PEBP4: variants seen among roughly 807,000 people sequenced by gnomAD.
The protein encoded by PEBP4 is phosphatidylethanolamine binding protein 4, also known as phosphatidylethanolamine-binding protein 4.
Under a neutral mutation model 23.9 loss-of-function variants are expected in PEBP4, and 22 were observed. That is an observed-to-expected ratio of 0.92 (90% CI 0.66 to 1.31). PEBP4 has a LOEUF of 1.31. Among genes scored for constraint, PEBP4 ranks in the 40% most tolerant of loss-of-function variants. The probability of loss-of-function intolerance (pLI) is 0.00; values close to 1 mark genes in which losing one functional copy is unlikely to be tolerated. For missense variants in PEBP4, 324 were observed against 281.7 expected (o/e 1.15, Z -1.07); for synonymous variants, 112 against 99.3 (o/e 1.13, Z -0.76).
intron 6 of PEBP4, among the ~76,000 whole-genome samples, chr8:22,718,684 G>A (rs1269368048): frequency 6.6e-6 from 1 of 152,010 alleles, no homozygotes; most frequent in African/African-American, 2.4e-5. Flanking sequence ...ATCAGGGGCT[G>A]GGCCCTGGGG....
intron 4 of PEBP4, among the ~76,000 whole-genome samples, chr8:22,735,352 A>C (rs1172934953): frequency 6.6e-6 from 1 of 152,150 alleles, no homozygotes; most frequent in East Asian, 1.9e-4. Context: ...GATATATAGG[A>C]GTTTTTCAGT....
At chr8:22,938,864 G>A (rs1022683951) in intron 1 of PEBP4, among the ~76,000 whole-genome samples, 5 of 152,184 alleles carry the variant, frequency 3.3e-5, no homozygotes, top group Non-Finnish European at 7.3e-5. Context: ...TATGAACATA[G>A]CAGATGCTTA....
At chr8:22,741,183 C>T (rs1234650390) in intron 4 of PEBP4, among the ~76,000 whole-genome samples, 5 of 152,178 alleles carry the variant, frequency 3.3e-5, no homozygotes, top group Non-Finnish European at 5.9e-5. Context: ...GCAACTTCCT[C>T]GGGTCTCCCT....
intron 4 of PEBP4, among the ~76,000 whole-genome samples, chr8:22,773,047 C>A (rs1805747582): frequency 6.6e-6 from 1 of 152,000 alleles, no homozygotes. Flanking sequence ...TTCCCCACCC[C>A]CAAAGAAAAA....
intron 4 of PEBP4, among the ~76,000 whole-genome samples, chr8:22,800,807 A>G (rs531611103): frequency 1.2e-4 from 19 of 152,322 alleles, no homozygotes; most frequent in Non-Finnish European, 1.8e-4. Context: ...GAGCCGGTGC[A>G]TACAACTCCC....
chr8:22,823,932 C>G (rs555136083), intron 3 of PEBP4, among the ~76,000 whole-genome samples: 1 of 152,204 alleles, frequency 6.6e-6, no homozygotes, highest in South Asian at 2.1e-4. Context: ...AAAATAAGAT[C>G]CAATCTTTGC....
intron 3 of PEBP4, among the ~76,000 whole-genome samples, chr8:22,864,931 C>T (rs1165493379): frequency 1.3e-5 from 2 of 152,106 alleles, no homozygotes; most frequent in African/African-American, 4.8e-5. Flanking sequence ...GGCGGGATGG[C>T]GGTGCTGGAC....
chr8:22,836,039 A>G (rs570470848), intron 3 of PEBP4, among the ~76,000 whole-genome samples: 2 of 152,340 alleles, frequency 1.3e-5, no homozygotes, highest in African/African-American at 4.8e-5. Flanking sequence ...AAATGGAAAA[A>G]TGGGGGCTCA....
intron 4 of PEBP4, among the ~76,000 whole-genome samples, chr8:22,777,772 C>T (rs769151390): frequency 2.0e-5 from 3 of 152,244 alleles, no homozygotes; most frequent in South Asian, 2.1e-4. Context: ...ATTTTCCTGG[C>T]GCTAAGGATA....
At chr8:22,899,369 C>T (rs965154980) in intron 3 of PEBP4, among the ~76,000 whole-genome samples, 1 of 152,246 alleles carries the variant, frequency 6.6e-6, no homozygotes, top group Non-Finnish European at 1.5e-5. Context: ...GAGAGAATGG[C>T]TCTCATGTCC....
chr8:22,920,111 CA>C, intron 3 of PEBP4, 72 bp downstream of exon 3: 1 of 1,559,820 alleles, frequency 6.4e-7, no homozygotes, highest in South Asian at 1.2e-5. Context: ...TCAAGTCACC[CA>C]GATGAGCAAG....
intron 3 of PEBP4, among the ~76,000 whole-genome samples, chr8:22,915,463 G>A (rs553816886): frequency 2.2e-5 from 3 of 138,958 alleles, no homozygotes; most frequent in East Asian, 4.8e-4. Context: ...GCTGGGTCCC[G>A]GCTCACTGAC....
intron 4 of PEBP4, among the ~76,000 whole-genome samples, chr8:22,748,350 G>C (rs111780086): frequency 5.9e-5 from 9 of 152,154 alleles, no homozygotes; most frequent in African/African-American, 1.9e-4. Context: ...ACAGTGTGGA[G>C]AGAAGAAGAT....
chr8:22,912,735 T>G, intron 3 of PEBP4, among the ~76,000 whole-genome samples: 1 of 152,190 alleles, frequency 6.6e-6, no homozygotes, highest in East Asian at 1.9e-4. Context: ...CTCACTCCCC[T>G]TTCACCCAGT....
At chr8:22,851,755 G>C (rs926194581) in intron 3 of PEBP4, among the ~76,000 whole-genome samples, 1 of 152,098 alleles carries the variant, frequency 6.6e-6, no homozygotes, top group Non-Finnish European at 1.5e-5. Flanking sequence ...CGAGGACTTG[G>C]GGGGAAGAGG....
chr8:22,802,478 T>C (rs1002113426), intron 4 of PEBP4, among the ~76,000 whole-genome samples: 1 of 152,252 alleles, frequency 6.6e-6, no homozygotes, highest in African/African-American at 2.4e-5. Context: ...GCCTCGCCCC[T>C]GCTCAAGGGC....
intron 4 of PEBP4, among the ~76,000 whole-genome samples, chr8:22,780,542 T>C (rs1329865734): frequency 1.3e-5 from 2 of 152,168 alleles, no homozygotes; most frequent in African/African-American, 4.8e-5. Flanking sequence ...TATGACTTCG[T>C]ATGGATCCTT....
intron 6 of PEBP4, among the ~76,000 whole-genome samples, chr8:22,716,592 C>G (rs938528016): frequency 3.3e-5 from 5 of 152,248 alleles, no homozygotes; most frequent in Non-Finnish European, 7.3e-5. Context: ...CAGTCACTCT[C>G]TCCACCCCAA....
At chr8:22,843,869 C>T (rs943828195) in intron 3 of PEBP4, among the ~76,000 whole-genome samples, 7 of 152,170 alleles carry the variant, frequency 4.6e-5, no homozygotes, top group Non-Finnish European at 1.0e-4. Flanking sequence ...GATGCCCCTC[C>T]GCTCCTCTCA....
Sources: gnomAD v4.1 joint callset for allele counts (sites outside exome capture counted in the v4.1 genomes callset) on GRCh38, gnomAD v4.1.1 for gene constraint, MANE v1.5 for transcripts, NCBI Gene and HGNC (gene_info 2026-07-23, HGNC 2026-07-21) for gene names.